Variants in CFAP299 observed in about 807,000 individuals in gnomAD.
CFAP299 encodes the protein cilia and flagella associated protein 299.
In CFAP299, 21 loss-of-function variants were observed where a neutral mutation model predicts 27.0. The observed-to-expected ratio is 0.78, with a 90% confidence interval of 0.55 to 1.12. CFAP299 has a LOEUF of 1.12. Among genes scored for constraint, CFAP299 ranks in the 50% most tolerant of loss-of-function variants. The probability of loss-of-function intolerance (pLI) is 0.00; values close to 1 mark genes in which losing one functional copy is unlikely to be tolerated. For synonymous variants in CFAP299, 104 were observed against 98.1 expected (o/e 1.06, Z -0.36); for missense variants, 310 against 276.6 (o/e 1.12, Z -0.86).
chr4:80,363,285 T>A (rs1723642733), intron 2 of CFAP299, among the ~76,000 whole-genome samples: 1 of 152,212 alleles, frequency 6.6e-6, no homozygotes, highest in Non-Finnish European at 1.5e-5. Flanking sequence ...TTCATTCAAC[T>A]TTTTAATCAC....
At chr4:80,352,396 C>T (rs1224894732) in intron 1 of CFAP299, among the ~76,000 whole-genome samples, 2 of 151,980 alleles carry the variant, frequency 1.3e-5, no homozygotes, top group Admixed American at 6.6e-5. Flanking sequence ...GGTGAAACCC[C>T]GTCTCTACTA....
chr4:80,927,909 T>C (rs1472775650), intron 4 of CFAP299, among the ~76,000 whole-genome samples: 1 of 152,136 alleles, frequency 6.6e-6, no homozygotes, highest in Non-Finnish European at 1.5e-5. Context: ...TACTTGTGAA[T>C]GCAATGACAG....
intron 3 of CFAP299, among the ~76,000 whole-genome samples, chr4:80,673,317 GT>G (rs1203305554): frequency 1.3e-5 from 2 of 152,160 alleles, no homozygotes; most frequent in Non-Finnish European, 2.9e-5. Flanking sequence ...TAGTTGAGCG[GT>G]TTTGAGTGAG....
At position 80,942,546 on chromosome 4, in the gene CFAP299, G is replaced by A. The variant is rs138245363; in HGVS notation, c.477-2264G>A. Among the ~76,000 whole-genome samples, 592 of 152,066 alleles carry A rather than the reference G, an allele frequency of 3.9e-3. 3 individuals carry two copies. The highest frequency in any genetic ancestry group is 6.6e-3 in the Non-Finnish European group (449 of 67,984). ...AAAGCCTATTTTCCATCTCTGCTTA[G>A]GAGAACAAAAGTATTGATGAAACAA... is the stretch of plus-strand genomic sequence containing the variant. On this transcript the variant is annotated intron_variant, in intron 4 of 5. Transcript: ENST00000358105.
At chr4:80,545,474 C>T (rs568683508) in intron 2 of CFAP299, among the ~76,000 whole-genome samples, 7 of 152,196 alleles carry the variant, frequency 4.6e-5, no homozygotes, top group African/African-American at 1.7e-4. Flanking sequence ...ACAAACATCT[C>T]TGTGCTTACA....
chr4:80,874,603 G>A (rs2110171227), intron 4 of CFAP299, among the ~76,000 whole-genome samples: 1 of 152,262 alleles, frequency 6.6e-6, no homozygotes, highest in South Asian at 2.1e-4. Context: ...CCAAGATGGT[G>A]CCAGAAAAGG....
At chr4:80,386,161 C>G (rs1724967446) in intron 2 of CFAP299, 2 of 601,964 alleles carry the variant, frequency 3.3e-6, no homozygotes, top group Non-Finnish European at 5.4e-6. Context: ...TCCCAGGAAA[C>G]GAACACCCCG....
At chr4:80,741,789 C>T (rs768805595) in intron 3 of CFAP299, among the ~76,000 whole-genome samples, 2 of 152,144 alleles carry the variant, frequency 1.3e-5, no homozygotes, top group Non-Finnish European at 2.9e-5. Flanking sequence ...GTGTCCTAGA[C>T]TGCCTTTCCA....
chr4:80,748,715 T>C (rs1724757299), intron 3 of CFAP299, among the ~76,000 whole-genome samples: 1 of 152,160 alleles, frequency 6.6e-6, no homozygotes, highest in African/African-American at 2.4e-5. Context: ...TATTTATTGT[T>C]TCTCTAAGGA....
chr4:80,822,235 A>C (rs112728585), intron 3 of CFAP299, among the ~76,000 whole-genome samples: 2,271 of 152,320 alleles, frequency 0.015, 27 homozygotes, highest in South Asian at 0.04. Context: ...CTGATCAAGC[A>C]GGTGCATTCA....
At chr4:80,870,851 A>T in intron 4 of CFAP299, 1 of 985,164 alleles carries the variant, frequency 1.0e-6, no homozygotes, top group South Asian at 4.7e-5. Flanking sequence ...GATGCCTGTT[A>T]TCCTCTATCC....
intron 2 of CFAP299, among the ~76,000 whole-genome samples, chr4:80,475,900 T>C (rs1730250307): frequency 6.6e-6 from 1 of 152,106 alleles, no homozygotes; most frequent in Non-Finnish European, 1.5e-5. Context: ...GAGAAAAAGA[T>C]TCAATGAGGC....
intron 3 of CFAP299, among the ~76,000 whole-genome samples, chr4:80,797,888 G>A (rs1381597994): frequency 6.6e-6 from 1 of 152,102 alleles, no homozygotes; most frequent in African/African-American, 2.4e-5. Flanking sequence ...TCACAGTGGG[G>A]GCAATCTTTT....
In CFAP299 at chr4:80,628,696, C is replaced by T. The variant is rs185114119; in HGVS notation, c.333+45513C>T. Among the ~76,000 whole-genome samples the T allele has an allele frequency of 9.5e-4, 145 of 152,156 alleles. 1 individual carries two copies. The highest frequency in any genetic ancestry group is 1.7e-3 in the Non-Finnish European group (116 of 67,972). On this transcript the variant is annotated intron_variant, in intron 3 of 5. Coordinates refer to ENST00000358105, the MANE Select transcript of CFAP299 (RefSeq NM_152770.3). ...GAAACTGAACAGACATTTCTTAAGG[C>T]ATACAAATGGTTAAAAAGTATGTGA...
At chr4:80,952,197 C>A in intron 5 of CFAP299, among the ~76,000 whole-genome samples, 1 of 152,032 alleles carries the variant, frequency 6.6e-6, no homozygotes, top group Non-Finnish European at 1.5e-5. Flanking sequence ...TAGCTCCATG[C>A]CTGCACATGG....
chr4:80,848,210 C>CA lies in CFAP299; in HGVS notation c.334-21773dup, dbSNP rs912267363. On this transcript the variant is annotated intron_variant, in intron 3 of 5. Transcript: ENST00000358105. ...TGGGCAATAGAGTGAGACCCTGTCTCAAAAAAAAAAGGGATACAAAGTTTG... is the reference window on the plus strand; with the variant it reads ...TGGGCAATAGAGTGAGACCCTGTCTCAAAAAAAAAAAGGGATACAAAGTTTG... Among the ~76,000 whole-genome samples, 613 of 140,616 alleles carry CA rather than the reference C, an allele frequency of 4.4e-3. 7 individuals are homozygous for CA. Among genetic ancestry groups the CA allele is most frequent in the African/African-American group, 0.015 (562 of 38,178 alleles). The allele number at this position is 140,616 out of a possible 152,430, so 92.2% of individuals were successfully genotyped here.
chr4:80,458,136 T>G (rs578192937), intron 2 of CFAP299, among the ~76,000 whole-genome samples: 1 of 152,012 alleles, frequency 6.6e-6, no homozygotes. Context: ...CAGGGAAAAA[T>G]GGAAAAACAA....
intron 3 of CFAP299, among the ~76,000 whole-genome samples, chr4:80,642,386 C>A (rs1739770180): frequency 6.6e-6 from 1 of 152,126 alleles, no homozygotes; most frequent in Non-Finnish European, 1.5e-5. Flanking sequence ...ATAATTAATT[C>A]CATTTAGGCA....
At chr4:80,707,133 C>T (rs895046836) in intron 3 of CFAP299, among the ~76,000 whole-genome samples, 1 of 151,886 alleles carries the variant, frequency 6.6e-6, no homozygotes, top group Admixed American at 6.6e-5. Flanking sequence ...CATGGGGACC[C>T]TGACCAGTAA....
Sources: allele counts gnomAD v4.1 joint callset (sites outside exome capture counted in the v4.1 genomes callset), GRCh38; gene constraint gnomAD v4.1.1; transcripts MANE v1.5; gene names NCBI Gene and HGNC (gene_info 2026-07-23, HGNC 2026-07-21).